PTPRD: variants seen among roughly 807,000 people sequenced by gnomAD.
PTPRD encodes receptor-type tyrosine-protein phosphatase delta.
PTPRD carries 34 observed loss-of-function variants against 214.5 expected under a neutral mutation model. That is an observed-to-expected ratio of 0.16 (90% CI 0.12 to 0.21). The LOEUF is 0.21. PTPRD is among the 10% of genes least tolerant of loss of function. The pLI is 1.00. For synonymous variants in PTPRD, 1,128 were observed against 845.7 expected (o/e 1.33, Z -5.79); for missense variants, 2,545 against 2,398.7 (o/e 1.06, Z -1.27).
At chr9:10,072,262 C>A (rs951750379) in intron 3 of PTPRD, among the ~76,000 whole-genome samples, 2 of 151,924 alleles carry the variant, frequency 1.3e-5, no homozygotes, top group Admixed American at 6.6e-5. Flanking sequence ...ATTAAAGCAA[C>A]AATGAGCCAT....
chr9:8,501,153 A>G, intron 23 of PTPRD, 94 bp from the exon 24 acceptor site: 1 of 895,142 alleles, frequency 1.1e-6, no homozygotes, highest in Non-Finnish European at 1.7e-6. Context: ...GCAAAAATAA[A>G]TAAACGAACA....
chr9:9,641,609 C>G (rs907859504), intron 7 of PTPRD, among the ~76,000 whole-genome samples: 3 of 152,164 alleles, frequency 2.0e-5, no homozygotes, highest in Non-Finnish European at 2.9e-5. Context: ...TGCCCTTATA[C>G]AAAAGCTGGG....
intron 11 of PTPRD, among the ~76,000 whole-genome samples, chr9:8,806,804 C>T (rs929930483): frequency 6.6e-6 from 1 of 152,048 alleles, no homozygotes; most frequent in Non-Finnish European, 1.5e-5. Context: ...AACCACTTTG[C>T]CCAAATTAAG....
chr9:10,435,175 G>T (rs77794070), intron 2 of PTPRD, among the ~76,000 whole-genome samples: 1 of 151,860 alleles, frequency 6.6e-6, no homozygotes, highest in African/African-American at 2.4e-5. Flanking sequence ...AAGTTCAAAA[G>T]TACAATCTGT....
intron 11 of PTPRD, among the ~76,000 whole-genome samples, chr9:8,816,622 T>C (rs1185863114): frequency 4.6e-5 from 7 of 152,204 alleles, no homozygotes; most frequent in Admixed American, 1.3e-4. Context: ...CAAACTCATA[T>C]AGAAAGTATA....
intron 5 of PTPRD, among the ~76,000 whole-genome samples, chr9:9,832,541 T>C (rs556447086): frequency 3.9e-5 from 6 of 152,060 alleles, no homozygotes; most frequent in Admixed American, 6.6e-5. Context: ...CCGACAAAAA[T>C]GTGGATATCT....
chr9:10,541,662 C>G (rs754671295), intron 2 of PTPRD, among the ~76,000 whole-genome samples: 6 of 151,746 alleles, frequency 4.0e-5, no homozygotes, highest in Non-Finnish European at 5.9e-5. Flanking sequence ...TTGACAACTA[C>G]AATTTTAAAT....
intron 9 of PTPRD, among the ~76,000 whole-genome samples, chr9:9,230,823 C>A (rs1193279544): frequency 1.3e-5 from 2 of 152,064 alleles, no homozygotes; most frequent in Non-Finnish European, 2.9e-5. Context: ...AAAGACTAAC[C>A]TGAGAGATTT....
chr9:9,828,126 A>C lies in PTPRD; in HGVS notation c.-367-61275T>G, dbSNP rs554787303. Among the ~76,000 whole-genome samples the C allele has an allele frequency of 6.6e-5, 10 of 152,114 alleles. No homozygotes were observed. In the East Asian group the frequency reaches 7.7e-4, roughly 12 times the overall value. On this transcript the variant is annotated intron_variant, in intron 5 of 45. Coordinates refer to ENST00000381196, the MANE Select transcript of PTPRD (RefSeq NM_002839.4). Reference sequence around the variant, plus strand: ...CCTCAGGGATCTAGAACTAGAAATAACATTTGACCCAGCCATCCCATTACT... The same window carrying C: ...CCTCAGGGATCTAGAACTAGAAATACCATTTGACCCAGCCATCCCATTACT...
intron 3 of PTPRD, among the ~76,000 whole-genome samples, chr9:10,317,493 T>A (rs902405477): frequency 5.3e-5 from 8 of 151,744 alleles, no homozygotes; most frequent in Non-Finnish European, 1.2e-4. Flanking sequence ...GAAACTAGAG[T>A]CAGAAGAAGA....
At chr9:8,405,737 C>G (rs567901127) in intron 35 of PTPRD, among the ~76,000 whole-genome samples, 1 of 151,976 alleles carries the variant, frequency 6.6e-6, no homozygotes, top group Admixed American at 6.6e-5. Context: ...AGGTTTATAC[C>G]CAGGTAATTT....
intron 44 of PTPRD, 143 bp downstream of exon 44, chr9:8,331,439 A>AAGAG: frequency 1.0e-6 from 1 of 973,898 alleles, no homozygotes; most frequent in Non-Finnish European, 1.5e-6. Flanking sequence ...TATGAAAAGA[A>AAGAG]AGAGAAATCA....
intron 8 of PTPRD, among the ~76,000 whole-genome samples, chr9:9,433,411 A>C (rs996163949): frequency 6.6e-6 from 1 of 152,186 alleles, no homozygotes; most frequent in African/African-American, 2.4e-5. Context: ...GTTTATACTT[A>C]AAGTGGCTTT....
intron 26 of PTPRD, among the ~76,000 whole-genome samples, chr9:8,493,826 G>C (rs1186057803): frequency 6.6e-6 from 1 of 152,152 alleles, no homozygotes; most frequent in Non-Finnish European, 1.5e-5. Context: ...GCCCAAAGCT[G>C]TGGTGGTTAT....
At chr9:10,571,438 T>A (rs1171903135) in intron 2 of PTPRD, among the ~76,000 whole-genome samples, 2 of 152,168 alleles carry the variant, frequency 1.3e-5, no homozygotes, top group Admixed American at 6.5e-5. Context: ...AAATGCTGTG[T>A]TAAATTTTAA....
At chr9:10,099,119 G>A (rs1591146264) in intron 3 of PTPRD, among the ~76,000 whole-genome samples, 1 of 151,874 alleles carries the variant, frequency 6.6e-6, no homozygotes, top group Non-Finnish European at 1.5e-5. Context: ...GAAGCTCATT[G>A]AGACTAGTAG....
chr9:10,358,331 C>A (rs1272318075), intron 2 of PTPRD, among the ~76,000 whole-genome samples: 6 of 151,856 alleles, frequency 4.0e-5, no homozygotes, highest in African/African-American at 1.4e-4. Context: ...GCATGGTGAA[C>A]CTATTTGGGA....
chr9:10,402,725 T>C (rs1321302656), intron 2 of PTPRD, among the ~76,000 whole-genome samples: 1 of 151,744 alleles, frequency 6.6e-6, no homozygotes, highest in Non-Finnish European at 1.5e-5. Context: ...ATTTTGTCTA[T>C]CTCTGACAGA....
chr9:9,677,264 C>G (rs1294582170), intron 7 of PTPRD, among the ~76,000 whole-genome samples: 1 of 151,786 alleles, frequency 6.6e-6, no homozygotes, highest in Admixed American at 6.6e-5. Context: ...GGTTTTAGGT[C>G]TAACATTTAA....
Sources: gnomAD v4.1 joint callset for allele counts (sites outside exome capture counted in the v4.1 genomes callset) on GRCh38, gnomAD v4.1.1 for gene constraint, MANE v1.5 for transcripts, NCBI Gene and HGNC (gene_info 2026-07-23, HGNC 2026-07-21) for gene names.